Variants in ST6GALNAC4 observed in about 807,000 individuals in gnomAD.
The protein encoded by ST6GALNAC4 is alpha-N-acetyl-neuraminyl-2,3-beta-galactosyl-1,3-N-acetyl-galactosaminide alpha-2,6-sialyltransferase.
A neutral mutation model predicts 30.4 loss-of-function variants in ST6GALNAC4; 24 were observed. The ratio of observed to expected loss-of-function variants is 0.79; its 90% CI spans 0.57 to 1.11. The LOEUF is 1.11. ST6GALNAC4 is among the 50% of genes most tolerant of loss of function. The pLI is 0.00. For missense variants in ST6GALNAC4, 365 were observed against 430.1 expected (o/e 0.85, Z 1.34); for synonymous variants, 156 against 179.7 (o/e 0.87, Z 1.05).
chr9:127,910,582 A>T, intron 4 of ST6GALNAC4: 1 of 990,880 alleles, frequency 1.0e-6, no homozygotes, highest in Non-Finnish European at 1.2e-6. Flanking sequence ...CTGTCAGCCC[A>T]GCCCCTGCCC....
Position 127,912,737 on chromosome 9 carries a change from C to G in ST6GALNAC4, c.199-57G>C, listed in dbSNP as rs902393662. On this transcript the variant is annotated intron_variant, in intron 3 of 5. Transcript: ENST00000335791. ...AGGCATGAACACGCAGCTTACACCC[C>G]CTGCAGCTCCCCCTGGAATATCCAC... The G allele has an allele frequency of 4.8e-6, 7 of 1,461,692 alleles. No individual in the cohort carries two copies. In the African/African-American group the frequency reaches 7.0e-5, roughly 15 times the overall value. The allele number at this position is 1,461,692 out of a possible 1,614,324, so 90.5% of individuals were successfully genotyped here. A position where few individuals can be genotyped will look rare whatever the true frequency, so the allele number is the denominator to read the frequency against.
chr9:127,909,840 A>G, intron 5 of ST6GALNAC4, 111 bp downstream of exon 5: 1 of 1,063,724 alleles, frequency 9.4e-7, no homozygotes, highest in Admixed American at 2.2e-5. Flanking sequence ...GTCACCCACC[A>G]TGAAGCCCAC....
chr9:127,910,201 G>A lies in ST6GALNAC4; in HGVS notation c.612-143C>T, dbSNP rs544562345. On this transcript the variant is annotated intron_variant, in intron 4 of 5. Coordinates refer to ENST00000335791, the MANE Select transcript of ST6GALNAC4 (RefSeq NM_175039.4). ...GGGGCTCTGGGGGAGGCTGGGGAGG[G>A]GACAGAGCCAGCCCAAGGCCAGCAG... 2.8e-4 allele frequency: 401 copies of A among 1,438,278 alleles called. 1 individual carries two copies. The South Asian group carries it at 5.1e-3, about 18-fold the overall frequency. 89.1% of individuals were successfully genotyped at this position (1,438,278 alleles called of 1,614,324 possible).
intron 2 of ST6GALNAC4, chr9:127,916,170 G>C (rs557428967): frequency 1.0e-5 from 6 of 593,802 alleles, no homozygotes; most frequent in South Asian, 4.0e-5. Flanking sequence ...TGGTGAGCTC[G>C]TAGCGTTACC....
chr9:127,916,585 C>T (rs553888495), intron 1 of ST6GALNAC4, 91 bp from the exon 2 acceptor site: 4 of 748,436 alleles, frequency 5.3e-6, no homozygotes, highest in Non-Finnish European at 9.0e-6. Context: ...GGGTACAGGC[C>T]GGGGTGAAAG....
intron 3 of ST6GALNAC4, among the ~76,000 whole-genome samples, chr9:127,913,830 C>T (rs552184182): frequency 2.0e-5 from 3 of 152,024 alleles, no homozygotes; most frequent in South Asian, 2.1e-4. Flanking sequence ...GGCACATGGA[C>T]GGGGTGCTCG....
chr9:127,909,918 G>A (rs757124567), intron 5 of ST6GALNAC4, 33 bp downstream of exon 5: 32 of 1,602,654 alleles, frequency 2.0e-5, no homozygotes, highest in South Asian at 1.2e-4. Flanking sequence ...AGTCCTCCCC[G>A]CGTCCCCGCG....
intron 2 of ST6GALNAC4, among the ~76,000 whole-genome samples, chr9:127,915,785 C>T (rs1831181869): frequency 6.6e-6 from 1 of 152,148 alleles, no homozygotes; most frequent in Non-Finnish European, 1.5e-5. Context: ...AGGCACAAGT[C>T]CCTAGGCCAC....
intron 3 of ST6GALNAC4, among the ~76,000 whole-genome samples, chr9:127,914,056 G>A (rs545781377): frequency 6.6e-6 from 1 of 151,932 alleles, no homozygotes; most frequent in Non-Finnish European, 1.5e-5. Flanking sequence ...CTCCAGCCTG[G>A]GTGACAAAGC....
rs1362839841 is a variant in ST6GALNAC4, at chr9:127,914,627, ACCCCGGATGCATTGC to A, written c.198+14_198+28del. ...GGGACAAGCCCAGCTCTCACTACCCACCCCGGATGCATTGCCTGGCCCACTCACCTTCCCATCTGG... is the reference window on the plus strand; with the variant it reads ...GGGACAAGCCCAGCTCTCACTACCCACTGGCCCACTCACCTTCCCATCTGG... On this transcript the variant is annotated intron_variant, in intron 3 of 5. Transcript: ENST00000335791. 6.4e-7 allele frequency: 1 copy of A among 1,554,746 alleles called. No homozygotes were observed. The highest frequency in any genetic ancestry group is 8.7e-7 in the Non-Finnish European group (1 of 1,149,702).
chr9:127,910,182 C>G, intron 4 of ST6GALNAC4, 124 bp from the exon 5 acceptor site: 2 of 1,418,046 alleles, frequency 1.4e-6, no homozygotes, highest in Non-Finnish European at 9.3e-7. Flanking sequence ...GCGGGGGGCT[C>G]TGGGGGAGGC....
At chr9:127,916,089 C>G (rs1357654301) in intron 2 of ST6GALNAC4, 2 of 488,350 alleles carry the variant, frequency 4.1e-6, no homozygotes, top group Non-Finnish European at 7.4e-6. Flanking sequence ...TCTCACAGCC[C>G]GGGGCTTCTG....
chr9:127,909,266 G>A (rs1831014123), intron 5 of ST6GALNAC4, among the ~76,000 whole-genome samples: 1 of 151,888 alleles, frequency 6.6e-6, no homozygotes, highest in Non-Finnish European at 1.5e-5. Context: ...GCACGTGCCT[G>A]TAATCCCAGC....
chr9:127,915,333 G>C (rs1410401106), intron 2 of ST6GALNAC4, among the ~76,000 whole-genome samples: 2 of 152,134 alleles, frequency 1.3e-5, no homozygotes, highest in African/African-American at 4.8e-5. Flanking sequence ...CAACGGGAAA[G>C]TGGTGCCTCA....
intron 5 of ST6GALNAC4, 39 bp downstream of exon 5, chr9:127,909,912 C>CTCCCCGCG: frequency 1.3e-6 from 2 of 1,595,500 alleles, no homozygotes; most frequent in South Asian, 2.2e-5. Flanking sequence ...GCTCACAGTC[C>CTCCCCGCG]TCCCCGCGTC....
chr9:127,911,629 G>A (rs1178236737), intron 4 of ST6GALNAC4, among the ~76,000 whole-genome samples: 1 of 152,202 alleles, frequency 6.6e-6, no homozygotes, highest in African/African-American at 2.4e-5. Context: ...TAGAATTACA[G>A]GCATGCGCCA....
chr9:127,914,569 G>A, intron 3 of ST6GALNAC4, 87 bp downstream of exon 3: 1 of 1,205,442 alleles, frequency 8.3e-7, no homozygotes, highest in Non-Finnish European at 1.1e-6. Flanking sequence ...CACATGGCTG[G>A]TGAGTAGAGG....
rs754248737 is a variant in ST6GALNAC4, at chr9:127,912,379, C to T, written c.500G>A (p.Arg167His). ...CATCCTGGTGAGCTGCAGCAGCGTG[C>T]GGTAGGTGCGGCCGCCGAGCACCCG... ...MDRVLGGRTYRTLLQLTRMYP... is the reference protein window; with the variant it reads ...MDRVLGGRTYHTLLQLTRMYP... Residue 167 changes from arginine (R) to histidine (H), a missense_variant, in exon 4 of 6, where the codon CGC becomes CAC. Physicochemically the swap from Arg to His is conservative, Grantham distance 29 (BLOSUM62 0). Coordinates refer to ENST00000335791, the MANE Select transcript of ST6GALNAC4 (RefSeq NM_175039.4). 28 of 1,613,992 alleles carry T rather than the reference C, an allele frequency of 1.7e-5. No homozygotes were observed. The highest frequency in any genetic ancestry group is 2.7e-5 in the African/African-American group (2 of 74,936).
In ST6GALNAC4 at chr9:127,908,568, G is replaced by A. The variant is rs868308222; in HGVS notation, c.733C>T (p.Pro245Ser). The change falls in exon 6 of 6, where the codon CCC becomes TCC. Residue 245 changes from proline to serine, a missense_variant. Physicochemically the swap from Pro to Ser is moderately conservative, Grantham distance 74 (BLOSUM62 -1). Transcript: ENST00000335791. Reference protein sequence around the residue: ...SDSYCREKSHPSVPYHYFEKG... With the variant: ...SDSYCREKSHSSVPYHYFEKG... ...TCAAAGTAGTGGTAAGGCACTGAGG[G>A]GTGGCTCTTCTCCCTGCGGGGTGGG... is the stretch of plus-strand genomic sequence containing the variant. The A allele has an allele frequency of 6.3e-7, 1 of 1,578,430 alleles. No homozygotes were observed. Among genetic ancestry groups the A allele is most frequent in the Non-Finnish European group, 8.7e-7 (1 of 1,153,858 alleles).
Sources: allele counts gnomAD v4.1 joint callset (sites outside exome capture counted in the v4.1 genomes callset), GRCh38; gene constraint gnomAD v4.1.1; transcripts MANE v1.5; gene names NCBI Gene and HGNC (gene_info 2026-07-23, HGNC 2026-07-21).